STK33: variants seen among roughly 807,000 people sequenced by gnomAD.
STK33 encodes the protein serine/threonine-protein kinase 33.
STK33 carries 52 observed loss-of-function variants against 58.0 expected under a neutral mutation model. The ratio of observed to expected loss-of-function variants is 0.90; its 90% CI spans 0.72 to 1.13. The LOEUF (loss-of-function observed/expected upper bound fraction) is 1.13, where lower values mean the gene tolerates loss of function less well. STK33 is among the 50% of genes most tolerant of loss of function. The pLI is 0.00. For synonymous variants in STK33, 215 were observed against 200.1 expected (o/e 1.07, Z -0.63); for missense variants, 630 against 604.2 (o/e 1.04, Z -0.45).
At chr11:8,513,337 C>T (rs1240358795) in intron 1 of STK33, among the ~76,000 whole-genome samples, 1 of 152,066 alleles carries the variant, frequency 6.6e-6, no homozygotes, top group African/African-American at 2.4e-5. Flanking sequence ...GTGTGTAGCC[C>T]GTTCCTACCA....
At chr11:8,516,561 C>T (rs547939007) in intron 1 of STK33, among the ~76,000 whole-genome samples, 42 of 152,300 alleles carry the variant, frequency 2.8e-4, no homozygotes, top group Non-Finnish European at 4.4e-4. Context: ...GTGCAAGGGG[C>T]GGGGGAATTC....
At chr11:8,424,339 T>C (rs1360398915) in intron 14 of STK33, among the ~76,000 whole-genome samples, 1 of 150,254 alleles carries the variant, frequency 6.7e-6, no homozygotes, top group East Asian at 1.9e-4. Context: ...TATGGCTGCA[T>C]AGTATTCCAT....
the STK33 span, among the ~76,000 whole-genome samples, chr11:8,368,501 G>A: frequency 1.4e-4 from 21 of 152,310 alleles, no homozygotes; most frequent in Middle Eastern, 3.4e-3. Flanking sequence ...CAGAATGCCC[G>A]GCCTGTCGCC....
At chr11:8,373,648 A>G in the STK33 span, among the ~76,000 whole-genome samples, 1 of 152,142 alleles carries the variant, frequency 6.6e-6, no homozygotes, top group Non-Finnish European at 1.5e-5. Flanking sequence ...ACCAGGTGAT[A>G]CTGGCTCCAC....
chr11:8,536,953 AAAAAAAAAAAAAAAAAAGATTTT>A (rs1230445834), intron 1 of STK33, among the ~76,000 whole-genome samples: 10 of 114,028 alleles, frequency 8.8e-5, no homozygotes, highest in Admixed American at 8.4e-4. Context: ...AGCTAATTAA[AAAAAAAAAAAAAAAAAAGATTTT>A]TTTTTTTTTT....
intron 1 of STK33, among the ~76,000 whole-genome samples, chr11:8,587,836 C>T (rs373001332): frequency 6.6e-6 from 1 of 152,132 alleles, no homozygotes; most frequent in South Asian, 2.1e-4. Context: ...TACTTAGAGG[C>T]CTTAAGTGAG....
At chr11:8,426,263 C>T (rs1330903254) in intron 14 of STK33, among the ~76,000 whole-genome samples, 1 of 152,204 alleles carries the variant, frequency 6.6e-6, no homozygotes, top group East Asian at 1.9e-4. Flanking sequence ...CCTCCAACTG[C>T]CCCAGCCAAA....
chr11:8,372,825 C>T, the STK33 span, among the ~76,000 whole-genome samples: 7 of 152,300 alleles, frequency 4.6e-5, no homozygotes, highest in South Asian at 2.1e-4. Context: ...AGGCTGAGGG[C>T]GTGGCGGCCT....
intron 1 of STK33, among the ~76,000 whole-genome samples, chr11:8,572,356 T>C (rs1345001374): frequency 6.6e-6 from 1 of 152,168 alleles, no homozygotes; most frequent in Non-Finnish European, 1.5e-5. Context: ...TCATCTGATT[T>C]CAAGCAACTT....
At chr11:8,514,954 C>T (rs977443718) in intron 1 of STK33, among the ~76,000 whole-genome samples, 4 of 151,694 alleles carry the variant, frequency 2.6e-5, no homozygotes, top group Non-Finnish European at 5.9e-5. Flanking sequence ...AATGAGAAAA[C>T]ACAAAAAATG....
At chr11:8,530,614 C>T (rs959559065) in intron 1 of STK33, among the ~76,000 whole-genome samples, 3 of 151,960 alleles carry the variant, frequency 2.0e-5, no homozygotes, top group Admixed American at 6.6e-5. Context: ...TGTTTCATAG[C>T]AAACTTAATA....
At chr11:8,520,218 T>A (rs1953272073) in intron 1 of STK33, among the ~76,000 whole-genome samples, 1 of 152,132 alleles carries the variant, frequency 6.6e-6, no homozygotes, top group Non-Finnish European at 1.5e-5. Context: ...TAATCCAGCA[T>A]ATAAACAGAG....
intron 1 of STK33, among the ~76,000 whole-genome samples, chr11:8,537,336 C>T (rs542094894): frequency 6.6e-6 from 1 of 152,032 alleles, no homozygotes; most frequent in South Asian, 2.1e-4. Context: ...GTGATCCTCC[C>T]ACCTCAGCCT....
chr11:8,343,748 T>A, the STK33 span, among the ~76,000 whole-genome samples: 1 of 152,262 alleles, frequency 6.6e-6, no homozygotes, highest in Admixed American at 6.5e-5. Context: ...CCAGACTGAT[T>A]GTTCCAGAAC....
At chr11:8,532,209 C>CACATGTATTCACTTATTCA (rs1411441791) in intron 1 of STK33, among the ~76,000 whole-genome samples, 1 of 152,226 alleles carries the variant, frequency 6.6e-6, no homozygotes, top group African/African-American at 2.4e-5. Context: ...TGTGATGTTA[C>CACATGTATTCACTTATTCA]CATCACTTAT....
chr11:8,494,136 T>C (rs1950863345), intron 1 of STK33, among the ~76,000 whole-genome samples: 3 of 152,116 alleles, frequency 2.0e-5, no homozygotes, highest in Admixed American at 2.0e-4. Flanking sequence ...GGTACTCAAT[T>C]AGGAAAAGAG....
chr11:8,378,009 A>C, the STK33 span, among the ~76,000 whole-genome samples: 4 of 152,372 alleles, frequency 2.6e-5, no homozygotes, highest in East Asian at 5.8e-4. Flanking sequence ...AGTCAATATC[A>C]TGAAAATGAC....
chr11:8,578,389 T>C (rs1279544901), intron 1 of STK33, among the ~76,000 whole-genome samples: 1 of 152,038 alleles, frequency 6.6e-6, no homozygotes, highest in African/African-American at 2.4e-5. Context: ...TTTAAGTAAG[T>C]TGTGGTACAT....
chr11:8,493,860 T>C (rs1019139744), intron 1 of STK33, among the ~76,000 whole-genome samples: 5 of 152,216 alleles, frequency 3.3e-5, no homozygotes, highest in Admixed American at 3.3e-4. Flanking sequence ...ATGACTATCT[T>C]AATAGATGCA....
Sources: allele counts gnomAD v4.1 joint callset (sites outside exome capture counted in the v4.1 genomes callset), GRCh38; gene constraint gnomAD v4.1.1; transcripts MANE v1.5; gene names NCBI Gene and HGNC (gene_info 2026-07-23, HGNC 2026-07-21).